Variants in CLEC1A observed in about 807,000 individuals in gnomAD.
The protein encoded by CLEC1A is C-type lectin-like receptor-1.
Under a neutral mutation model 28.7 loss-of-function variants are expected in CLEC1A, and 34 were observed. That is an observed-to-expected ratio of 1.18 (90% confidence interval 0.90 to 1.57). CLEC1A has a LOEUF of 1.57. CLEC1A is among the 40% of genes most tolerant of loss of function. The pLI is 0.00. For missense variants in CLEC1A, 385 were observed against 339.5 expected (o/e 1.13, Z -1.05); for synonymous variants, 116 against 121.0 (o/e 0.96, Z 0.27).
intron 3 of CLEC1A, among the ~76,000 whole-genome samples, chr12:10,077,037 A>G (rs566286130): frequency 1.2e-4 from 18 of 152,270 alleles, no homozygotes; most frequent in African/African-American, 4.1e-4. Flanking sequence ...TATGTGCTCT[A>G]TGTAAAAACA....
chr12:10,074,376 G>T, intron 4 of CLEC1A, among the ~76,000 whole-genome samples: 1 of 152,120 alleles, frequency 6.6e-6, no homozygotes, highest in Non-Finnish European at 1.5e-5. Context: ...AATAACTGTA[G>T]TTGAAAATAT....
At chr12:10,089,421 A>T (rs1404097632) in intron 1 of CLEC1A, among the ~76,000 whole-genome samples, 199 bp from the exon 2 acceptor site, 1 of 151,826 alleles carries the variant, frequency 6.6e-6, no homozygotes, top group African/African-American at 2.4e-5. Context: ...TCACAGCTAG[A>T]TTTTCTCACA....
Position 10,071,185 on chromosome 12 carries a change from G to A in CLEC1A, c.*148C>T, listed in dbSNP as rs1221750053. On this transcript the variant is annotated 3_prime_UTR_variant, in exon 6 of 6. Transcript: ENST00000315330. ...CATAAACCCAAGCTCAGAAATGCTG[G>A]TGATCCTGAACAGGAAACACGAGAA... 3.0e-6 allele frequency: 2 copies of A among 676,628 alleles called. No individual in the cohort carries two copies. The highest frequency in any genetic ancestry group is 4.8e-6 in the Non-Finnish European group (2 of 420,000). 41.9% of individuals were successfully genotyped at this position (676,628 alleles called of 1,614,324 possible).
intron 1 of CLEC1A, chr12:10,092,463 C>T (rs1338612833): frequency 2.6e-6 from 1 of 384,016 alleles, no homozygotes; most frequent in South Asian, 1.8e-5. Context: ...GGGAGGATTG[C>T]TTGAGCCAGG....
At chr12:10,092,506 C>A in intron 1 of CLEC1A, 1 of 327,540 alleles carries the variant, frequency 3.1e-6, no homozygotes, top group Non-Finnish European at 6.3e-6. Context: ...GTGATCGTGC[C>A]ACTCTACTCC....
intron 2 of CLEC1A, among the ~76,000 whole-genome samples, chr12:10,083,531 T>A (rs1428399612): frequency 6.6e-6 from 1 of 152,200 alleles, no homozygotes; most frequent in Non-Finnish European, 1.5e-5. Flanking sequence ...CGCAGTAGTG[T>A]GATCTTGGCT....
In CLEC1A at chr12:10,097,169, T is replaced by A. The variant is rs572869579; in HGVS notation, c.115+1639A>T. ...TTTACTATCTTAATTGTTTGGCATT[T>A]TTAAACACAAACATAGTTGTTACGT... On this transcript the variant is annotated intron_variant, in intron 1 of 5. Transcript: ENST00000315330. Among the ~76,000 whole-genome samples the A allele has an allele frequency of 3.3e-5, 5 of 152,356 alleles. No individual in the cohort carries two copies. In the South Asian group the frequency reaches 8.3e-4, roughly 25 times the overall value.
chr12:10,086,140 G>A (rs139753504), intron 2 of CLEC1A, among the ~76,000 whole-genome samples: 10 of 152,162 alleles, frequency 6.6e-5, no homozygotes, highest in Non-Finnish European at 1.0e-4. Context: ...TGAACAGAAC[G>A]ATAATATTGG....
chr12:10,098,795 GGA>G lies in CLEC1A; in HGVS notation c.115+11_115+12del. The stretch of plus-strand genomic sequence containing the variant: ...AGGACTGTGGTCTATTTGGACTCCA[GGA>G]GACAGGGTACCTGTGCGCCGGGGCT... On this transcript the variant is annotated intron_variant, in intron 1 of 5. Coordinates refer to ENST00000315330, the MANE Select transcript of CLEC1A (RefSeq NM_016511.4). 6.3e-7 allele frequency: 1 copy of G among 1,591,078 alleles called. No homozygotes were observed. Among genetic ancestry groups the G allele is most frequent in the Non-Finnish European group, 8.6e-7 (1 of 1,161,442 alleles).
chr12:10,097,896 GCTT>G (rs1947798429), intron 1 of CLEC1A, among the ~76,000 whole-genome samples: 1 of 34,052 alleles, frequency 2.9e-5, no homozygotes, highest in Non-Finnish European at 9.2e-5. Context: ...TCCCTTAACA[GCTT>G]ACTGGGTAGT....
At chr12:10,073,142 T>G (rs1422003748) in intron 5 of CLEC1A, 151 bp downstream of exon 5, 3 of 625,776 alleles carry the variant, frequency 4.8e-6, no homozygotes, top group Non-Finnish European at 8.7e-6. Context: ...GCACTATTGT[T>G]CAAATATCTT....
intron 2 of CLEC1A, among the ~76,000 whole-genome samples, chr12:10,082,442 C>T (rs1485568304): frequency 6.6e-6 from 1 of 152,148 alleles, no homozygotes; most frequent in Non-Finnish European, 1.5e-5. Context: ...ACCTGTATGA[C>T]ACAGCAGAGG....
At chr12:10,092,691 A>T (rs1304280799) in intron 1 of CLEC1A, among the ~76,000 whole-genome samples, 1 of 152,218 alleles carries the variant, frequency 6.6e-6, no homozygotes, top group East Asian at 1.9e-4. Context: ...CTGTGAAGTG[A>T]GGGCCTGGAC....
chr12:10,072,640 C>T (rs1318395815), intron 5 of CLEC1A, among the ~76,000 whole-genome samples: 1 of 151,558 alleles, frequency 6.6e-6, no homozygotes, highest in East Asian at 1.9e-4. Context: ...AAAGATCTCT[C>T]TCTCTCTCTC....
At chr12:10,072,179 C>A (rs1285458311) in intron 5 of CLEC1A, among the ~76,000 whole-genome samples, 2 of 152,098 alleles carry the variant, frequency 1.3e-5, no homozygotes, top group Non-Finnish European at 2.9e-5. Flanking sequence ...AACCTCCCCC[C>A]AGCCCCTTCT....
chr12:10,080,660 A>G lies in CLEC1A; in HGVS notation c.391+577T>C, dbSNP rs1866348568. Among the ~76,000 whole-genome samples the G allele has an allele frequency of 3.9e-5, 6 of 152,364 alleles. No homozygotes were observed. In the South Asian group the frequency reaches 1.2e-3, roughly 32 times the overall value. Reference sequence around the variant, plus strand: ...AACCTGAAAAGAATAGGAGAATAGGAATACACATGCACTCACACTGAAGCG... The same window carrying G: ...AACCTGAAAAGAATAGGAGAATAGGGATACACATGCACTCACACTGAAGCG... On this transcript the variant is annotated intron_variant, in intron 3 of 5. Transcript: ENST00000315330.
chr12:10,094,454 G>A (rs952545), intron 1 of CLEC1A, among the ~76,000 whole-genome samples: 114,844 of 151,900 alleles, frequency 0.76, 45,178 homozygotes, highest in Non-Finnish European at 0.88. Flanking sequence ...TGGATGGAGA[G>A]TATTGAAAAA....
At chr12:10,075,423 G>T in intron 4 of CLEC1A, 81 bp downstream of exon 4, 1 of 1,446,846 alleles carries the variant, frequency 6.9e-7, no homozygotes, top group Non-Finnish European at 9.5e-7. Flanking sequence ...CGATATTCTT[G>T]ATCCTTAGAG....
At chr12:10,092,817 T>C (rs1215971699) in intron 1 of CLEC1A, among the ~76,000 whole-genome samples, 1 of 152,182 alleles carries the variant, frequency 6.6e-6, no homozygotes, top group African/African-American at 2.4e-5. Context: ...TAACAGGCTT[T>C]AAAAAGTTTT....
Sources: gnomAD v4.1 joint callset for allele counts (sites outside exome capture counted in the v4.1 genomes callset) on GRCh38, gnomAD v4.1.1 for gene constraint, MANE v1.5 for transcripts, NCBI Gene and HGNC (gene_info 2026-07-23, HGNC 2026-07-21) for gene names.